PCDHA9: variants seen among roughly 807,000 people sequenced by gnomAD.
PCDHA9 encodes protocadherin alpha-9.
Under a neutral mutation model 62.0 loss-of-function variants are expected in PCDHA9, and 62 were observed. The ratio of observed to expected loss-of-function variants is 1.00; its 90% CI spans 0.81 to 1.23. The LOEUF is 1.23. PCDHA9 is among the 50% of genes most tolerant of loss of function. The pLI is 0.00. For missense variants in PCDHA9, 1,205 were observed against 1,249.8 expected (o/e 0.96, Z 0.54); for synonymous variants, 557 against 567.6 (o/e 0.98, Z 0.27).
chr5:140,878,370 T>G (rs1049956194), intron 1 of PCDHA9, among the ~76,000 whole-genome samples: 1 of 152,272 alleles, frequency 6.6e-6, no homozygotes, highest in Non-Finnish European at 1.5e-5. Context: ...GTCTGACATA[T>G]GATGAATGAT....
At chr5:140,938,870 A>C (rs560302282) in intron 1 of PCDHA9, among the ~76,000 whole-genome samples, 1 of 152,264 alleles carries the variant, frequency 6.6e-6, no homozygotes, top group South Asian at 2.1e-4. Flanking sequence ...TTAAAAGTTA[A>C]GAAGCAACAC....
chr5:140,937,567 G>A lies in PCDHA9; in HGVS notation c.2395-41382G>A, dbSNP rs1218260457. On this transcript the variant is annotated intron_variant, in intron 1 of 3. Transcript: ENST00000532602. ...GCGAGGCAGAGGTTGCAGTGAGCTG[G>A]GATCGCGTCACTGCACTCTAGCCTG... 1.9e-3 allele frequency among the ~76,000 whole-genome samples: 288 copies of A among 150,684 alleles called. 1 individual carries two copies. Among genetic ancestry groups the A allele is most frequent in the African/African-American group, 6.8e-3 (278 of 40,792 alleles).
At chr5:140,901,539 A>G (rs192107124) in intron 1 of PCDHA9, among the ~76,000 whole-genome samples, 2 of 152,070 alleles carry the variant, frequency 1.3e-5, no homozygotes, top group East Asian at 1.9e-4. Context: ...TTGGTTCTCT[A>G]TTCTGTTCCA....
At chr5:140,946,237 A>C (rs540442862) in intron 1 of PCDHA9, among the ~76,000 whole-genome samples, 8 of 152,268 alleles carry the variant, frequency 5.3e-5, no homozygotes, top group African/African-American at 1.9e-4. Context: ...AAAAATGCTC[A>C]ACATCATGAA....
rs150518215 is a variant in PCDHA9, at chr5:140,883,444, T to G, written c.2394+32555T>G. On this transcript the variant is annotated intron_variant, in intron 1 of 3. Transcript: ENST00000532602. ...AGGTCACCTGCACCTTGACGCCGCATGTCCCCTTCAAGCTGGTGTCCACCT... is the reference window on the plus strand; with the variant it reads ...AGGTCACCTGCACCTTGACGCCGCAGGTCCCCTTCAAGCTGGTGTCCACCT... The G allele has an allele frequency of 2.5e-6, 4 of 1,614,052 alleles. No individual in the cohort carries two copies. In the African/African-American group the frequency reaches 4.0e-5, roughly 16 times the overall value.
chr5:140,877,458 G>C, intron 1 of PCDHA9: 1 of 1,613,814 alleles, frequency 6.2e-7, no homozygotes, highest in Non-Finnish European at 8.5e-7. Context: ...TGACGTCCAC[G>C]GCCACGGTGC....
intron 1 of PCDHA9, chr5:140,881,923 AGTGATT>A (rs2058875658): frequency 3.8e-6 from 1 of 262,834 alleles, no homozygotes; most frequent in African/African-American, 2.2e-5. Flanking sequence ...AGCAGAATGC[AGTGATT>A]TGCTGTTTCT....
At chr5:141,002,333 G>A (rs782123745) in intron 3 of PCDHA9, among the ~76,000 whole-genome samples, 15 of 152,314 alleles carry the variant, frequency 9.8e-5, no homozygotes, top group Non-Finnish European at 1.8e-4. Flanking sequence ...GGCTGCATCC[G>A]CACCCCTTCC....
chr5:140,853,709 T>C lies in PCDHA9; in HGVS notation c.2394+2820T>C, dbSNP rs1554146825. 2.0e-6 allele frequency: 2 copies of C among 988,258 alleles called. 1 individual carries two copies. The highest frequency in any genetic ancestry group is 2.4e-6 in the Non-Finnish European group (2 of 820,296). The allele number at this position is 988,258 out of a possible 1,614,324, so 61.2% of individuals were successfully genotyped here. A position where few individuals can be genotyped will look rare whatever the true frequency, so the allele number is the denominator to read the frequency against. On this transcript the variant is annotated intron_variant, in intron 1 of 3. Transcript: ENST00000532602. ...CCTTAGACCTGCTAACGCATTAGCA[T>C]TAGCAGCACCTAAGTCCTCATTGAA...
At chr5:140,904,275 C>A (rs169087) in intron 1 of PCDHA9, among the ~76,000 whole-genome samples, 7,060 of 152,068 alleles carry the variant, frequency 0.046, 292 homozygotes, top group African/African-American at 0.11. Flanking sequence ...TGAATGAGAA[C>A]ATGTGGTGTT....
At chr5:140,995,342 A>G (rs2097678065) in intron 3 of PCDHA9, among the ~76,000 whole-genome samples, 1 of 152,122 alleles carries the variant, frequency 6.6e-6, no homozygotes, top group African/African-American at 2.4e-5. Flanking sequence ...TGTAGACGGC[A>G]TGGATAGGTC....
chr5:140,933,646 A>G (rs1459396156), intron 1 of PCDHA9, among the ~76,000 whole-genome samples: 16 of 152,120 alleles, frequency 1.1e-4, no homozygotes, highest in African/African-American at 3.9e-4. Flanking sequence ...AACAAGTTGG[A>G]AATCCTGTCT....
chr5:140,852,115 C>A, intron 1 of PCDHA9: 1 of 906,762 alleles, frequency 1.1e-6, no homozygotes, highest in Non-Finnish European at 1.3e-6. Context: ...CAAGGTATGA[C>A]CTAATTAAAA....
At chr5:140,941,219 C>CTTTCTTTCTT (rs1563186292) in intron 1 of PCDHA9, among the ~76,000 whole-genome samples, 18 of 125,974 alleles carry the variant, frequency 1.4e-4, no homozygotes, top group African/African-American at 4.5e-4. Context: ...TTCTTCCTTT[C>CTTTCTTTCTT]TTTCTTTCTT....
intron 3 of PCDHA9, among the ~76,000 whole-genome samples, chr5:140,984,986 G>A (rs553872050): frequency 6.6e-6 from 1 of 152,080 alleles, no homozygotes; most frequent in African/African-American, 2.4e-5. Context: ...CCCCCAGGCT[G>A]GAGTCCAGTG....
intron 3 of PCDHA9, among the ~76,000 whole-genome samples, chr5:141,008,922 G>A (rs34518527): frequency 0.052 from 7,924 of 152,178 alleles, 248 homozygotes; most frequent in South Asian, 0.11. Flanking sequence ...AATTTATTCA[G>A]CTAATTTTTC....
chr5:140,896,564 A>G (rs1475217228), intron 1 of PCDHA9, among the ~76,000 whole-genome samples: 1 of 150,096 alleles, frequency 6.7e-6, no homozygotes, highest in African/African-American at 2.5e-5. Flanking sequence ...TTAAGTAGAG[A>G]TGGGGTTTTG....
chr5:141,005,626 C>T (rs554956978), intron 3 of PCDHA9, among the ~76,000 whole-genome samples: 5 of 136,646 alleles, frequency 3.7e-5, no homozygotes, highest in South Asian at 4.9e-4. Context: ...GGCGTGAACC[C>T]GGGAGGCGGA....
intron 1 of PCDHA9, chr5:140,862,985 G>A: frequency 1.8e-6 from 1 of 547,112 alleles, no homozygotes; most frequent in Non-Finnish European, 3.6e-6. Flanking sequence ...GGTGGCGAAG[G>A]TGCGCACGGT....
Sources: gnomAD v4.1 joint callset for allele counts (sites outside exome capture counted in the v4.1 genomes callset) on GRCh38, gnomAD v4.1.1 for gene constraint, MANE v1.5 for transcripts, NCBI Gene and HGNC (gene_info 2026-07-23, HGNC 2026-07-21) for gene names.